Variants in SKP2 observed in about 807,000 individuals in gnomAD.
SKP2 encodes the protein S-phase kinase-associated protein 2.
Under a neutral mutation model 51.8 loss-of-function variants are expected in SKP2, and 16 were observed. The ratio of observed to expected loss-of-function variants is 0.31; its 90% CI spans 0.21 to 0.47. The LOEUF (loss-of-function observed/expected upper bound fraction) is 0.47. Among genes scored for constraint, SKP2 ranks in the 20% least tolerant of loss-of-function variants. SKP2 has a pLI of 1.00. For missense variants in SKP2, 377 were observed against 505.3 expected (o/e 0.75, Z 2.43); for synonymous variants, 176 against 198.6 (o/e 0.89, Z 0.96).
chr5:36,176,685 G>A (rs1745642481), intron 7 of SKP2, among the ~76,000 whole-genome samples: 1 of 151,686 alleles, frequency 6.6e-6, no homozygotes, highest in Non-Finnish European at 1.5e-5. Context: ...TTTGTGAATG[G>A]GATTTTTTTC....
At chr5:36,176,303 ACT>A (rs1008551600) in intron 7 of SKP2, among the ~76,000 whole-genome samples, 22 of 151,854 alleles carry the variant, frequency 1.4e-4, no homozygotes, top group Non-Finnish European at 1.3e-4. Context: ...GTTTTCTGAT[ACT>A]TTTTAAATTG....
At chr5:36,163,044 T>G (rs1745174046) in intron 2 of SKP2, among the ~76,000 whole-genome samples, 1 of 152,178 alleles carries the variant, frequency 6.6e-6, no homozygotes, top group African/African-American at 2.4e-5. Context: ...TACCTCCCAC[T>G]GGGTCCCTCC....
downstream of SKP2, chr5:36,184,469 TTCTCGTTGTTCAA>T (rs1405641999): frequency 6.6e-6 from 1 of 152,202 alleles, no homozygotes; most frequent in Non-Finnish European, 1.5e-5. Context: ...TGTCCAGGTG[TTCTCGTTGTTCAA>T]TTCCCACCTA....
chr5:36,182,790 T>C lies in SKP2; in HGVS notation c.*759T>C, dbSNP rs13359244. 0.022 allele frequency: 21,218 copies of C among 979,160 alleles called. 1,097 individuals are homozygous for C. The highest frequency in any genetic ancestry group is 0.21 in the South Asian group (4,505 of 21,086). 60.7% of individuals were successfully genotyped at this position (979,160 alleles called of 1,614,324 possible). ...ATTAGATGAGAAATATAATTGTGGT[T>C]TTCTAACTTGATAATCAAATTATGT... On this transcript the variant is annotated 3_prime_UTR_variant, in exon 10 of 10. Transcript: ENST00000274255.
chr5:36,182,675 G>A lies in SKP2; in HGVS notation c.*644G>A. Reference sequence around the variant, plus strand: ...ACCCAGAGATATAGAATCAATATAGGATTTGAAGGCCCAGCAGACAGTTTT... The same window carrying A: ...ACCCAGAGATATAGAATCAATATAGAATTTGAAGGCCCAGCAGACAGTTTT... On this transcript the variant is annotated 3_prime_UTR_variant, in exon 10 of 10. Coordinates refer to ENST00000274255, the MANE Select transcript of SKP2 (RefSeq NM_005983.4). The A allele has an allele frequency of 4.1e-6, 4 of 977,456 alleles. No individual in the cohort carries two copies. The highest frequency in any genetic ancestry group is 3.6e-6 in the Non-Finnish European group (3 of 822,726). The allele number at this position is 977,456 out of a possible 1,614,324, so 60.5% of individuals were successfully genotyped here.
rs762283327 is a variant in SKP2 at position 36,183,994 on chromosome 5, C to A, written c.*1963C>A. On this transcript the variant is annotated 3_prime_UTR_variant, in exon 10 of 10. Coordinates refer to ENST00000274255, the MANE Select transcript of SKP2 (RefSeq NM_005983.4). ...TGTATGTGATTTCTACTTTTATAGA[C>A]TTGTTTTAAAACAATAAAACACATT... 1.1e-5 allele frequency: 17 copies of A among 1,576,548 alleles called. No homozygotes were observed. The highest frequency in any genetic ancestry group is 1.4e-5 in the Non-Finnish European group (16 of 1,152,064).
At position 36,182,128 on chromosome 5, in the gene SKP2, C is replaced by A; in HGVS notation, c.*97C>A. On this transcript the variant is annotated 3_prime_UTR_variant, in exon 10 of 10. Transcript: ENST00000274255. ...CTTAGCTAGTTTTATTCTTGGTTTT[C>A]CCTTTGCCTTCATTCTGCAAGTATA... 2 of 1,499,040 alleles carry A rather than the reference C, an allele frequency of 1.3e-6. No individual in the cohort carries two copies. The highest frequency in any genetic ancestry group is 1.8e-6 in the Non-Finnish European group (2 of 1,123,958). The allele number at this position is 1,499,040 out of a possible 1,614,324, so 92.9% of individuals were successfully genotyped here.
Position 36,169,328 on chromosome 5 carries a change from C to A in SKP2, c.671+881C>A, listed in dbSNP as rs181629348. Among the ~76,000 whole-genome samples, 733 of 152,106 alleles carry A rather than the reference C, an allele frequency of 4.8e-3. 2 individuals are homozygous for A. Among genetic ancestry groups the A allele is most frequent in the African/African-American group, 0.016 (655 of 41,476 alleles). ...GGTGTGGTGGCAGGCACCTGTAATCCCAGCTACTCAGGAGGCTGAGGCAGG... is the reference window on the plus strand; with the variant it reads ...GGTGTGGTGGCAGGCACCTGTAATCACAGCTACTCAGGAGGCTGAGGCAGG... On this transcript the variant is annotated intron_variant, in intron 5 of 9. Transcript: ENST00000274255.
downstream of SKP2, among the ~76,000 whole-genome samples, chr5:36,188,847 C>T (rs1165647041): frequency 3.9e-5 from 6 of 152,294 alleles, no homozygotes. Flanking sequence ...TTCCATTCTC[C>T]CCGTCACTTT....
At chr5:36,189,996 C>A (rs1278627315) in intron 6 of SKP2, among the ~76,000 whole-genome samples, 1 of 152,208 alleles carries the variant, frequency 6.6e-6, no homozygotes, top group African/African-American at 2.4e-5. Flanking sequence ...AGCGAGGCTC[C>A]ATGGGCATGG....
intron 2 of SKP2, among the ~76,000 whole-genome samples, chr5:36,160,467 C>G (rs78747003): frequency 0.049 from 7,467 of 152,148 alleles, 657 homozygotes; most frequent in African/African-American, 0.17. Context: ...AATTGTTTGT[C>G]TGTATCTCTC....
chr5:36,181,216 A>G (rs1275888737), intron 9 of SKP2, among the ~76,000 whole-genome samples: 1 of 152,164 alleles, frequency 6.6e-6, no homozygotes. Context: ...TTTTTCACCC[A>G]TTGTCTCTAC....
At chr5:36,164,009 G>T (rs1745208113) in intron 3 of SKP2, among the ~76,000 whole-genome samples, 1 of 152,312 alleles carries the variant, frequency 6.6e-6, no homozygotes, top group South Asian at 2.1e-4. Context: ...ATGGGATGCT[G>T]ACTGTAGGCC....
At chr5:36,180,179 G>A (rs964927365) in intron 9 of SKP2, 7 of 776,508 alleles carry the variant, frequency 9.0e-6, no homozygotes, top group Admixed American at 7.7e-5. Context: ...GTGCAGAATG[G>A]CTCACAATTT....
chr5:36,179,111 G>A (rs1055403759), intron 9 of SKP2, among the ~76,000 whole-genome samples: 5 of 152,096 alleles, frequency 3.3e-5, no homozygotes, highest in African/African-American at 1.2e-4. Context: ...GAAGAAGAAA[G>A]ATCCTGTCCT....
At chr5:36,184,662 T>C (rs757682384), downstream of SKP2, among the ~76,000 whole-genome samples, 4 of 152,214 alleles carry the variant, frequency 2.6e-5, no homozygotes, top group East Asian at 1.9e-4. Context: ...CAGTCTATCA[T>C]TGATGGACAT....
chr5:36,177,554 T>C (rs1212628560), intron 9 of SKP2: 1 of 450,722 alleles, frequency 2.2e-6, no homozygotes, highest in African/African-American at 2.0e-5. Context: ...ATGAGAAGAC[T>C]TAGCAGAGAA....
At chr5:36,189,993 C>T (rs1436536508) in intron 6 of SKP2, among the ~76,000 whole-genome samples, 1 of 152,210 alleles carries the variant, frequency 6.6e-6, no homozygotes, top group Non-Finnish European at 1.5e-5. Flanking sequence ...GTGAGCGAGG[C>T]TCCATGGGCA....
chr5:36,190,222 CTGT>C (rs1745994817), intron 6 of SKP2, among the ~76,000 whole-genome samples: 1 of 3,284 alleles, frequency 3.0e-4, no homozygotes, highest in Non-Finnish European at 6.2e-3. Flanking sequence ...GCTGCACCCA[CTGT>C]CCTGCACCCA....
Sources: allele counts gnomAD v4.1 joint callset (sites outside exome capture counted in the v4.1 genomes callset), GRCh38; gene constraint gnomAD v4.1.1; transcripts MANE v1.5; gene names NCBI Gene and HGNC (gene_info 2026-07-23, HGNC 2026-07-21).